KDM4C: variants seen among roughly 807,000 people sequenced by gnomAD.
KDM4C encodes the protein lysine demethylase 4C, also known as lysine-specific demethylase 4C.
Under a neutral mutation model 129.3 loss-of-function variants are expected in KDM4C, and 81 were observed. The observed-to-expected ratio is 0.63, with a 90% CI of 0.52 to 0.75. The LOEUF (loss-of-function observed/expected upper bound fraction) is 0.75, where lower values mean the gene tolerates loss of function less well. Ranked by LOEUF, KDM4C falls within the 30% of genes least tolerant of loss-of-function variation. The pLI, the probability that KDM4C is intolerant of heterozygous loss-of-function variation, is 0.00. For missense variants in KDM4C, 1,457 were observed against 1,304.0 expected (o/e 1.12, Z -1.81); for synonymous variants, 573 against 456.1 (o/e 1.26, Z -3.26).
chr9:7,064,821 T>C (rs1832190232), intron 17 of KDM4C, among the ~76,000 whole-genome samples: 1 of 152,122 alleles, frequency 6.6e-6, no homozygotes, highest in African/African-American at 2.4e-5. Context: ...CAGTTATTAT[T>C]ATCAGGGGAC....
At chr9:6,948,869 C>G (rs1182836837) in intron 8 of KDM4C, among the ~76,000 whole-genome samples, 3 of 152,114 alleles carry the variant, frequency 2.0e-5, no homozygotes, top group Admixed American at 6.5e-5. Flanking sequence ...AATGGAGTCT[C>G]CTATGTCTAC....
chr9:6,904,815 A>ATTATTTTTT (rs1818012408), intron 8 of KDM4C, among the ~76,000 whole-genome samples: 1 of 152,238 alleles, frequency 6.6e-6, no homozygotes, highest in Admixed American at 6.5e-5. Flanking sequence ...AATTTGGAAG[A>ATTATTTTTT]TACGAGAGGA....
At chr9:6,800,771 CG>C (rs1828799090) in intron 2 of KDM4C, among the ~76,000 whole-genome samples, 1 of 151,978 alleles carries the variant, frequency 6.6e-6, no homozygotes, top group African/African-American at 2.4e-5. Context: ...GGACTATAGG[CG>C]TGTGCCACCA....
chr9:6,957,504 A>AT (rs934790447), intron 8 of KDM4C, among the ~76,000 whole-genome samples: 60 of 148,852 alleles, frequency 4.0e-4, no homozygotes, highest in African/African-American at 4.2e-4. Context: ...ATATTAGGTA[A>AT]TTTTTTTTTT....
At chr9:7,117,111 T>TC (rs1838985851) in intron 18 of KDM4C, among the ~76,000 whole-genome samples, 1 of 152,178 alleles carries the variant, frequency 6.6e-6, no homozygotes, top group Non-Finnish European at 1.5e-5. Flanking sequence ...TCTTCAAAAG[T>TC]TATAGAACAT....
intron 8 of KDM4C, chr9:6,974,655 G>T (rs1191690787): frequency 6.6e-6 from 1 of 152,094 alleles, no homozygotes; most frequent in East Asian, 1.9e-4. Context: ...ACCGCACCCT[G>T]CCTGTCTGTT....
At chr9:7,014,072 T>A in intron 14 of KDM4C, 71 bp downstream of exon 14, 1 of 1,301,060 alleles carries the variant, frequency 7.7e-7, no homozygotes, top group Non-Finnish European at 1.1e-6. Context: ...CTCACTTTTT[T>A]GGAACCTGTC....
chr9:7,095,037 C>T (rs547004177), intron 17 of KDM4C, among the ~76,000 whole-genome samples: 1 of 152,334 alleles, frequency 6.6e-6, no homozygotes, highest in South Asian at 2.1e-4. Context: ...TTCCCAACCA[C>T]TCTAACCAAG....
At chr9:6,922,875 CCT>C (rs1821790500) in intron 8 of KDM4C, among the ~76,000 whole-genome samples, 1 of 152,214 alleles carries the variant, frequency 6.6e-6, no homozygotes, top group Non-Finnish European at 1.5e-5. Context: ...CTTATCTCTC[CCT>C]CTCTGACTCA....
intron 8 of KDM4C, among the ~76,000 whole-genome samples, chr9:6,980,587 A>G (rs1378411192): frequency 1.3e-5 from 2 of 152,182 alleles, no homozygotes; most frequent in Non-Finnish European, 2.9e-5. Flanking sequence ...CAGACCTTTT[A>G]GCGCTCAGTT....
intron 8 of KDM4C, among the ~76,000 whole-genome samples, chr9:6,957,659 G>T (rs1829309984): frequency 6.6e-6 from 1 of 152,142 alleles, no homozygotes; most frequent in South Asian, 2.1e-4. Flanking sequence ...TTGCACAATT[G>T]TGTTGTTTGT....
At chr9:6,748,981 T>C (rs780354207) in intron 1 of KDM4C, 3 of 825,032 alleles carry the variant, frequency 3.6e-6, no homozygotes, top group Non-Finnish European at 6.4e-6. Flanking sequence ...CTGTATGCCA[T>C]GGTGGAATTT....
chr9:6,918,992 CA>C (rs1348294107), intron 8 of KDM4C, among the ~76,000 whole-genome samples: 2 of 152,086 alleles, frequency 1.3e-5, no homozygotes, highest in Non-Finnish European at 2.9e-5. Flanking sequence ...GCTGGGATTA[CA>C]GGCAACGGCC....
At chr9:7,144,030 A>G (rs925974599) in intron 19 of KDM4C, among the ~76,000 whole-genome samples, 1 of 152,188 alleles carries the variant, frequency 6.6e-6, no homozygotes, top group East Asian at 1.9e-4. Flanking sequence ...TGTGCTCAGG[A>G]ACACATTTCC....
intron 17 of KDM4C, among the ~76,000 whole-genome samples, chr9:7,084,558 G>A (rs7031605): frequency 0.15 from 23,418 of 151,352 alleles, 2,968 homozygotes; most frequent in African/African-American, 0.35. Flanking sequence ...CTATTCATAA[G>A]GCTGCTATCA....
intron 8 of KDM4C, chr9:6,942,441 G>A (rs1360015651): frequency 6.8e-6 from 1 of 147,452 alleles, no homozygotes; most frequent in East Asian, 2.0e-4. Context: ...TTTTAATTTT[G>A]TGTTTTGTTT....
chr9:6,906,706 T>C (rs1191416642), intron 8 of KDM4C, among the ~76,000 whole-genome samples: 2 of 152,354 alleles, frequency 1.3e-5, no homozygotes, highest in South Asian at 4.1e-4. Flanking sequence ...CCTCCCCAAG[T>C]GCTGGAATTA....
At chr9:6,907,879 G>A (rs1818606720) in intron 8 of KDM4C, among the ~76,000 whole-genome samples, 1 of 152,158 alleles carries the variant, frequency 6.6e-6, no homozygotes, top group Non-Finnish European at 1.5e-5. Flanking sequence ...CTATTAGACT[G>A]TAAATTGTAT....
intron 1 of KDM4C, chr9:6,726,385 G>A (rs7045419): frequency 0.13 from 19,287 of 152,218 alleles, 1,453 homozygotes; most frequent in South Asian, 0.25. Context: ...GACACTGCTC[G>A]CTCAGTCAGT....
Sources: allele counts gnomAD v4.1 joint callset (sites outside exome capture counted in the v4.1 genomes callset), GRCh38; gene constraint gnomAD v4.1.1; transcripts MANE v1.5; gene names NCBI Gene and HGNC (gene_info 2026-07-23, HGNC 2026-07-21).